The following ERC1 variants were observed in gnomAD, a reference collection of about 807,000 sequenced individuals.
ERC1 encodes the protein ELKS/RAB6-interacting/CAST family member 1.
A neutral mutation model predicts 132.0 loss-of-function variants in ERC1; 56 were observed. That is an observed-to-expected ratio of 0.42 (90% confidence interval 0.34 to 0.53). The LOEUF is 0.53. Among genes scored for constraint, ERC1 ranks in the 20% least tolerant of loss-of-function variants. The pLI, the probability that ERC1 is intolerant of heterozygous loss-of-function variation, is 0.03. For missense variants in ERC1, 1,202 were observed against 1,349.9 expected (o/e 0.89, Z 1.72); for synonymous variants, 478 against 476.1 (o/e 1.00, Z -0.05).
chr12:1,052,310 T>C (rs969350910), intron 2 of ERC1, among the ~76,000 whole-genome samples: 1 of 152,242 alleles, frequency 6.6e-6, no homozygotes, highest in Non-Finnish European at 1.5e-5. Context: ...GTATTTTATA[T>C]ATATCCAGTG....
intron 15 of ERC1, among the ~76,000 whole-genome samples, chr12:1,326,543 G>GA (rs2082457376): frequency 1.3e-5 from 2 of 152,198 alleles, no homozygotes; most frequent in African/African-American, 4.8e-5. Context: ...ATCAAAGCCA[G>GA]AAAGACTATA....
chr12:1,408,188 G>C lies in ERC1; in HGVS notation c.2965G>C (p.Asp989His). Residue 989 changes from aspartate (D) to histidine (H), a missense_variant, in exon 17 of 19, where the codon GAT becomes CAT. Physicochemically the swap from Asp to His is moderately conservative, Grantham distance 81 (BLOSUM62 -1). Coordinates refer to ENST00000360905, the MANE Select transcript of ERC1 (RefSeq NM_178040.4). ...RMKLMADNYE[D>H]DHFKSSHSNQ... ...GAAGCTAATGGCCGACAACTACGAGGATGACCACTTCAAATCCTCCCATTC... is the reference window on the plus strand; with the variant it reads ...GAAGCTAATGGCCGACAACTACGAGCATGACCACTTCAAATCCTCCCATTC... 1 of 1,613,958 alleles carries C rather than the reference G, an allele frequency of 6.2e-7. No individual in the cohort carries two copies. The highest frequency in any genetic ancestry group is 8.5e-7 in the Non-Finnish European group (1 of 1,179,952).
chr12:1,031,791 G>T (rs1028243690), intron 2 of ERC1, among the ~76,000 whole-genome samples: 1 of 151,968 alleles, frequency 6.6e-6, no homozygotes, highest in South Asian at 2.1e-4. Flanking sequence ...AATGTGTAAA[G>T]AAAGAAAAAA....
At chr12:1,456,636 A>G (rs2093542548) in intron 18 of ERC1, among the ~76,000 whole-genome samples, 1 of 152,186 alleles carries the variant, frequency 6.6e-6, no homozygotes, top group East Asian at 1.9e-4. Flanking sequence ...CTTCTTTTGA[A>G]TTATATAAAA....
intron 12 of ERC1, among the ~76,000 whole-genome samples, chr12:1,223,562 C>A (rs1391132042): frequency 6.6e-6 from 1 of 152,104 alleles, no homozygotes; most frequent in Non-Finnish European, 1.5e-5. Context: ...GATGGTGGAC[C>A]ACATTTTGTA....
At chr12:1,312,656 G>T (rs1481710740) in intron 15 of ERC1, among the ~76,000 whole-genome samples, 1 of 152,180 alleles carries the variant, frequency 6.6e-6, no homozygotes, top group Non-Finnish European at 1.5e-5. Flanking sequence ...ACCACACCCG[G>T]CCAAAGCAGT....
At chr12:1,312,039 C>T (rs1255268748) in intron 15 of ERC1, among the ~76,000 whole-genome samples, 2 of 152,194 alleles carry the variant, frequency 1.3e-5, no homozygotes, top group Non-Finnish European at 2.9e-5. Context: ...TTTTGCATCT[C>T]AGTGCAGGGG....
chr12:1,383,250 T>C (rs1263060823), intron 16 of ERC1, among the ~76,000 whole-genome samples: 1 of 152,216 alleles, frequency 6.6e-6, no homozygotes, highest in Non-Finnish European at 1.5e-5. Flanking sequence ...CTGTTTCTTC[T>C]GTGTCCATCA....
chr12:1,142,445 T>C (rs371529714), intron 8 of ERC1, among the ~76,000 whole-genome samples: 7 of 152,348 alleles, frequency 4.6e-5, no homozygotes, highest in African/African-American at 1.7e-4. Flanking sequence ...AAAAATGTTG[T>C]ACATGTTTAG....
chr12:1,384,700 A>G (rs1405100858), intron 16 of ERC1, among the ~76,000 whole-genome samples: 1 of 152,218 alleles, frequency 6.6e-6, no homozygotes, highest in African/African-American at 2.4e-5. Flanking sequence ...CAAAAGTTTT[A>G]TGAAATATAA....
At chr12:1,437,350 T>C (rs1026374889) in intron 17 of ERC1, among the ~76,000 whole-genome samples, 28 of 152,334 alleles carry the variant, frequency 1.8e-4, no homozygotes, top group Admixed American at 1.4e-3. Context: ...CTCATCTGTA[T>C]ATACATGTTC....
chr12:1,196,053 T>G (rs1054033558), intron 12 of ERC1, among the ~76,000 whole-genome samples: 8 of 152,272 alleles, frequency 5.3e-5, no homozygotes, highest in African/African-American at 1.7e-4. Flanking sequence ...TCCCTAGTAT[T>G]TTAATTACTC....
intron 11 of ERC1, among the ~76,000 whole-genome samples, chr12:1,186,994 C>T (rs1474644350): frequency 2.5e-4 from 38 of 152,156 alleles, no homozygotes; most frequent in Admixed American, 2.5e-3. Flanking sequence ...CCACCCCTGG[C>T]TAATTTTTGT....
Position 1,224,952 on chromosome 12 carries a change from CT to C in ERC1, c.2352-11816del, listed in dbSNP as rs2074437068. 2.0e-5 allele frequency among the ~76,000 whole-genome samples: 3 copies of C among 151,442 alleles called. No homozygotes were observed. In the South Asian group the frequency reaches 6.2e-4, roughly 32 times the overall value. On this transcript the variant is annotated intron_variant, in intron 12 of 18. Transcript: ENST00000360905. ...TATGATTGTGCCACTGCAGTTTAGC[CT>C]AGGTGAGTAAGTGAGACCTTGTCTA...
chr12:1,193,307 T>C (rs979329317), intron 12 of ERC1, among the ~76,000 whole-genome samples: 1 of 152,158 alleles, frequency 6.6e-6, no homozygotes, highest in South Asian at 2.1e-4. Context: ...GATAAGCCCA[T>C]TAATACATCT....
chr12:1,140,099 G>T (rs1949728604), intron 7 of ERC1, among the ~76,000 whole-genome samples: 1 of 152,168 alleles, frequency 6.6e-6, no homozygotes, highest in African/African-American at 2.4e-5. Flanking sequence ...TGGTCGCGTA[G>T]AAGTAGTTGG....
chr12:1,125,297 TATTTG>T (rs1417349836), intron 7 of ERC1, among the ~76,000 whole-genome samples: 3 of 151,510 alleles, frequency 2.0e-5, no homozygotes, highest in African/African-American at 4.8e-5. Context: ...CCCAGCCCAA[TATTTG>T]ATATTTTCTA....
At chr12:1,405,076 G>A (rs1003091890) in intron 16 of ERC1, among the ~76,000 whole-genome samples, 1 of 151,866 alleles carries the variant, frequency 6.6e-6, no homozygotes, top group Non-Finnish European at 1.5e-5. Context: ...GGAGGCAAAA[G>A]TTGCAGCGAG....
chr12:1,082,029 T>C (rs1422039600), intron 2 of ERC1, among the ~76,000 whole-genome samples: 1 of 34,746 alleles, frequency 2.9e-5, no homozygotes, highest in Non-Finnish European at 1.0e-4. Context: ...CGGTTTTGCT[T>C]GTTTGTTTGT....
Sources: gnomAD v4.1 joint callset for allele counts (sites outside exome capture counted in the v4.1 genomes callset) on GRCh38, gnomAD v4.1.1 for gene constraint, MANE v1.5 for transcripts, NCBI Gene and HGNC (gene_info 2026-07-23, HGNC 2026-07-21) for gene names.